The following ITFG1 variants were observed in gnomAD, a reference collection of about 807,000 sequenced individuals.
ITFG1 encodes the protein integrin alpha FG-GAP repeat containing 1, also known as T-cell immunomodulatory protein.
ITFG1 carries 34 observed loss-of-function variants against 81.8 expected under a neutral mutation model. That is an observed-to-expected ratio of 0.42 (90% CI 0.32 to 0.55). The LOEUF is 0.55. Ranked by LOEUF, ITFG1 falls within the 20% of genes least tolerant of loss-of-function variation. The pLI is 0.17. For missense variants in ITFG1, 672 were observed against 755.4 expected, an observed-to-expected ratio of 0.89 and a Z score of 1.29; for synonymous variants, 285 against 270.6, an observed-to-expected ratio of 1.05 and a Z score of -0.52.
chr16:47,156,830 G>A (rs1436827169), intron 17 of ITFG1, among the ~76,000 whole-genome samples: 1 of 152,204 alleles, frequency 6.6e-6, no homozygotes, highest in Non-Finnish European at 1.5e-5. Context: ...TCACATGGAA[G>A]TCATATGCAG....
intron 6 of ITFG1, among the ~76,000 whole-genome samples, chr16:47,402,640 C>T (rs183775265): frequency 7.9e-4 from 120 of 152,254 alleles, no homozygotes; most frequent in African/African-American, 2.6e-3. Flanking sequence ...TATCAAATGC[C>T]CAGTTGACTA....
intron 13 of ITFG1, among the ~76,000 whole-genome samples, chr16:47,228,105 T>C (rs1965776315): frequency 6.6e-6 from 1 of 152,188 alleles, no homozygotes; most frequent in Non-Finnish European, 1.5e-5. Flanking sequence ...TGTAAAAAGG[T>C]ATATTAAATG....
chr16:47,295,196 A>G (rs952512291), intron 10 of ITFG1, among the ~76,000 whole-genome samples: 2 of 152,152 alleles, frequency 1.3e-5, no homozygotes, highest in Admixed American at 6.5e-5. Flanking sequence ...GCTGGAATAA[A>G]TCTTGCTGTG....
intron 8 of ITFG1, among the ~76,000 whole-genome samples, chr16:47,345,930 AG>A (rs1967848284): frequency 2.0e-5 from 3 of 152,250 alleles, no homozygotes; most frequent in Admixed American, 2.0e-4. Context: ...AGAAGTAAAT[AG>A]TAATACAATA....
intron 13 of ITFG1, among the ~76,000 whole-genome samples, chr16:47,228,218 G>A (rs1240879314): frequency 6.6e-6 from 1 of 152,200 alleles, no homozygotes; most frequent in African/African-American, 2.4e-5. Context: ...TAAGGAGTGA[G>A]TAATATTTTA....
intron 14 of ITFG1, among the ~76,000 whole-genome samples, chr16:47,179,086 G>A (rs1188243140): frequency 3.3e-5 from 5 of 152,078 alleles, no homozygotes; most frequent in Admixed American, 2.0e-4. Flanking sequence ...AACAGGTGCT[G>A]GAGAGGATGT....
chr16:47,316,807 G>A (rs1967366606), intron 8 of ITFG1, among the ~76,000 whole-genome samples: 1 of 152,176 alleles, frequency 6.6e-6, no homozygotes, highest in Admixed American at 6.5e-5. Context: ...GAGGCACAAG[G>A]CTAGGAGCTA....
At chr16:47,209,012 T>C (rs887121857) in intron 14 of ITFG1, among the ~76,000 whole-genome samples, 6 of 151,892 alleles carry the variant, frequency 4.0e-5, no homozygotes, top group Non-Finnish European at 8.8e-5. Context: ...CAACTTAGAA[T>C]AAGAAGGGGG....
chr16:47,375,984 T>G (rs762141997), intron 6 of ITFG1, 44 bp from the exon 7 acceptor site: 1 of 1,164,112 alleles, frequency 8.6e-7, no homozygotes, highest in Admixed American at 1.9e-5. Context: ...GTAGTCTTAC[T>G]GATGTGTACA....
intron 5 of ITFG1, among the ~76,000 whole-genome samples, chr16:47,444,545 TA>T (rs1199619883): frequency 6.6e-6 from 1 of 152,168 alleles, no homozygotes; most frequent in Non-Finnish European, 1.5e-5. Context: ...AGCCAACATG[TA>T]AATTTATATA....
chr16:47,398,976 G>T (rs1354235973), intron 6 of ITFG1, among the ~76,000 whole-genome samples: 2 of 152,186 alleles, frequency 1.3e-5, no homozygotes, highest in African/African-American at 4.8e-5. Flanking sequence ...TCAGGAAGGA[G>T]ACAAGAGTAC....
At chr16:47,253,842 C>T (rs958610552) in intron 12 of ITFG1, among the ~76,000 whole-genome samples, 13 of 152,130 alleles carry the variant, frequency 8.5e-5, no homozygotes, top group Admixed American at 7.2e-4. Context: ...CACCTCCTGT[C>T]GTGCGGCCTG....
At chr16:47,217,788 A>G (rs1965642538) in intron 14 of ITFG1, among the ~76,000 whole-genome samples, 2 of 152,062 alleles carry the variant, frequency 1.3e-5, no homozygotes, top group Admixed American at 6.6e-5. Flanking sequence ...AGCCGGGTGT[A>G]GTGGCGGGCA....
At position 47,449,715 on chromosome 16, in the gene ITFG1, A is replaced by G. The variant is rs555195445; in HGVS notation, c.560+1681T>C. 12 of 152,298 alleles carry G rather than the reference A, an allele frequency of 7.9e-5. No homozygotes were observed. The East Asian group carries it at 2.3e-3, about 29-fold the overall frequency. 9.4% of individuals were successfully genotyped at this position (152,298 alleles called of 1,614,324 possible). A position where few individuals can be genotyped will look rare whatever the true frequency, so the allele number is the denominator to read the frequency against. On this transcript the variant is annotated intron_variant, in intron 5 of 17. Transcript: ENST00000320640. The stretch of plus-strand genomic sequence containing the variant: ...TAACATATAAAAAATAAAGTTGGAC[A>G]TGTCTTCAGGCATGATGTTTTAAAA...
chr16:47,359,871 G>A (rs966535799), intron 8 of ITFG1, among the ~76,000 whole-genome samples: 1 of 152,070 alleles, frequency 6.6e-6, no homozygotes, highest in African/African-American at 2.4e-5. Context: ...TTCCCTCAGA[G>A]CTCTTACAAC....
At position 47,314,075 on chromosome 16, in the gene ITFG1, G is replaced by T. The variant is rs1428296511; in HGVS notation, c.803-252C>A. Among the ~76,000 whole-genome samples the T allele has an allele frequency of 2.0e-5, 3 of 152,074 alleles. No individual in the cohort carries two copies. The East Asian group carries it at 5.8e-4, about 29-fold the overall frequency. On this transcript the variant is annotated intron_variant, in intron 8 of 17. Transcript: ENST00000320640. ...AAGCATTTCTATAGGAGGGAGGGGG[G>T]CAAGGGCTGAAAAACTACTGGGTCC...
In ITFG1 at chr16:47,210,244, G is replaced by T. The variant is rs941847528; in HGVS notation, c.1453+8624C>A. Reference sequence around the variant, plus strand: ...CTTTATTTTTTTAGCCATTCCGATAGGTGTGTAGTATATCCCATTGTGGTT... The same window carrying T: ...CTTTATTTTTTTAGCCATTCCGATATGTGTGTAGTATATCCCATTGTGGTT... On this transcript the variant is annotated intron_variant, in intron 14 of 17. Coordinates refer to ENST00000320640, the MANE Select transcript of ITFG1 (RefSeq NM_030790.5). 6.6e-5 allele frequency among the ~76,000 whole-genome samples: 10 copies of T among 152,210 alleles called. No homozygotes were observed. In the East Asian group the frequency reaches 1.2e-3, roughly 18 times the overall value.
At chr16:47,358,993 G>C (rs1256217410) in intron 8 of ITFG1, among the ~76,000 whole-genome samples, 1 of 152,130 alleles carries the variant, frequency 6.6e-6, no homozygotes, top group Non-Finnish European at 1.5e-5. Flanking sequence ...AGTGGTCAGG[G>C]AAGGCCTCCA....
At chr16:47,185,819 A>G (rs996503097) in intron 14 of ITFG1, among the ~76,000 whole-genome samples, 31 of 152,328 alleles carry the variant, frequency 2.0e-4, no homozygotes, top group Non-Finnish European at 3.8e-4. Context: ...ATGAATCCAG[A>G]AGCTGGTTTT....
Sources: gnomAD v4.1 joint callset for allele counts (sites outside exome capture counted in the v4.1 genomes callset) on GRCh38, gnomAD v4.1.1 for gene constraint, MANE v1.5 for transcripts, NCBI Gene and HGNC (gene_info 2026-07-23, HGNC 2026-07-21) for gene names.